Variants in EPB41L3 observed in about 807,000 individuals in gnomAD.
EPB41L3 encodes erythrocyte membrane protein band 4.1 like 3.
Under a neutral mutation model 127.1 loss-of-function variants are expected in EPB41L3, and 57 were observed. The ratio of observed to expected loss-of-function variants is 0.45; its 90% CI spans 0.36 to 0.56. EPB41L3 has a LOEUF of 0.56. Among genes scored for constraint, EPB41L3 ranks in the 20% least tolerant of loss-of-function variants. The pLI, the probability that EPB41L3 is intolerant of heterozygous loss-of-function variation, is 0.00. For missense variants in EPB41L3, 1,273 were observed against 1,372.2 expected, an observed-to-expected ratio of 0.93 and a Z score of 1.14; for synonymous variants, 572 against 549.5, an observed-to-expected ratio of 1.04 and a Z score of -0.57.
chr18:5,395,792 C>G, intron 19 of EPB41L3, 85 bp from the exon 20 acceptor site: 1 of 958,508 alleles, frequency 1.0e-6, no homozygotes, highest in Non-Finnish European at 1.7e-6. Flanking sequence ...GGCATTACGA[C>G]AATTTCACTA....
chr18:5,448,367 GA>G (rs1171919502), intron 3 of EPB41L3, among the ~76,000 whole-genome samples: 1 of 152,038 alleles, frequency 6.6e-6, no homozygotes, highest in Non-Finnish European at 1.5e-5. Flanking sequence ...TAACCCAGAT[GA>G]TTTTTTTTTC....
Position 5,433,934 on chromosome 18 carries a change from C to T in EPB41L3, c.793G>A (p.Asp265Asn). The change falls in exon 7 of 23, where the codon GAC becomes AAC. Residue 265 changes from aspartate to asparagine, a missense_variant. By Grantham distance (23) the Asp-to-Asn change is conservative. Transcript: ENST00000341928. ...FAPNHTKELE[D>N]KVIELHKSHR... ...CTCTTGTGCAGCTCGATCACTTTGT[C>T]TTCCAGTTCTTTAGTGTGGTTTGGT... is the stretch of plus-strand genomic sequence containing the variant. The T allele has an allele frequency of 6.2e-7, 1 of 1,614,220 alleles. No individual in the cohort carries two copies. The highest frequency in any genetic ancestry group is 8.5e-7 in the Non-Finnish European group (1 of 1,180,044).
chr18:5,428,231 A>G (rs771872978), intron 9 of EPB41L3, 82 bp downstream of exon 9: 119 of 1,530,780 alleles, frequency 7.8e-5, no homozygotes, highest in Non-Finnish European at 1.0e-4. Context: ...AATGCTCAGA[A>G]CTCATAAGCA....
chr18:5,398,970 C>G (rs73375709), intron 16 of EPB41L3: 19,816 of 399,056 alleles, frequency 0.05, 1,194 homozygotes, highest in African/African-American at 0.2. Flanking sequence ...CTCTGGTCCT[C>G]TCTTGGATTT....
At chr18:5,445,296 C>T in intron 3 of EPB41L3, 52 bp from the exon 4 acceptor site, 2 of 1,399,186 alleles carry the variant, frequency 1.4e-6, no homozygotes, top group Non-Finnish European at 1.0e-6. Context: ...AGAAAGTTCT[C>T]CCAAATATCA....
intron 5 of EPB41L3, among the ~76,000 whole-genome samples, chr18:5,441,462 ATTTT>A (rs201943060): frequency 0.023 from 3,272 of 139,584 alleles, 40 homozygotes; most frequent in African/African-American, 0.028. Flanking sequence ...TCGAATTCCA[ATTTT>A]TTTTTTTTTT....
Position 5,569,033 on chromosome 18 carries a change from T to A in EPB41L3, c.-306+43307A>T, listed in dbSNP as rs576009801. ...CTTACAAAATTCCTCTTGATTACAA[T>A]CTGTAGGTTTGATTGGACAATGTTT... On this transcript the variant is annotated intron_variant, in intron 3 of 21. Coordinates refer to the EPB41L3 transcript ENST00000545076. Among the ~76,000 whole-genome samples the A allele has an allele frequency of 1.8e-4, 28 of 152,332 alleles. No individual in the cohort carries two copies. In the East Asian group the frequency reaches 5.2e-3, roughly 28 times the overall value.
At chr18:5,593,088 G>T (rs1264475973) in intron 3 of EPB41L3, among the ~76,000 whole-genome samples, 2 of 152,054 alleles carry the variant, frequency 1.3e-5, no homozygotes, top group Non-Finnish European at 2.9e-5. Flanking sequence ...AATCAATGGG[G>T]CCCAGTTGAT....
intron 1 of EPB41L3, among the ~76,000 whole-genome samples, chr18:5,626,256 C>T (rs1308862456): frequency 6.6e-6 from 1 of 152,184 alleles, no homozygotes; most frequent in African/African-American, 2.4e-5. Context: ...AAGACATCAT[C>T]GTGACACCAA....
rs2081133546 is a variant in EPB41L3 at position 5,443,937 on chromosome 18, GT to G, written c.487-58del. On this transcript the variant is annotated intron_variant, in intron 4 of 22. Coordinates refer to ENST00000341928, the MANE Select transcript of EPB41L3 (RefSeq NM_012307.5). ...CAGAGGAGAATAAAAATGACTTAAT[GT>G]TGATTAGGTACAGACTCTCCCTAAA... 4.2e-6 allele frequency: 6 copies of G among 1,441,742 alleles called. No individual in the cohort carries two copies. In the East Asian group the frequency reaches 1.1e-4, roughly 27 times the overall value. The allele number at this position is 1,441,742 out of a possible 1,614,324, so 89.3% of individuals were successfully genotyped here.
At position 5,495,515 on chromosome 18, in the gene EPB41L3, AG is replaced by A. The variant is rs1228203021; in HGVS notation, c.-11-6322del. Among the ~76,000 whole-genome samples the A allele has an allele frequency of 2.0e-5, 3 of 152,212 alleles. No homozygotes were observed. In the East Asian group the frequency reaches 5.8e-4, roughly 29 times the overall value. ...AAGAAGCAAGCCAAGCACCATGCCCAGGGTGTTGAGAACACAGCCCAGAGAG... is the reference window on the plus strand; with the variant it reads ...AAGAAGCAAGCCAAGCACCATGCCCAGGTGTTGAGAACACAGCCCAGAGAG... On this transcript the variant is annotated intron_variant, in intron 1 of 22. Coordinates refer to ENST00000341928, the MANE Select transcript of EPB41L3 (RefSeq NM_012307.5).
chr18:5,504,521 CTA>C (rs1477159340), intron 1 of EPB41L3, among the ~76,000 whole-genome samples: 1 of 152,222 alleles, frequency 6.6e-6, no homozygotes, highest in East Asian at 1.9e-4. Flanking sequence ...CAAATTCAGT[CTA>C]TGATATACTT....
intron 1 of EPB41L3, among the ~76,000 whole-genome samples, chr18:5,519,718 A>T (rs2092908721): frequency 6.6e-6 from 1 of 152,132 alleles, no homozygotes; most frequent in Non-Finnish European, 1.5e-5. Context: ...CCGCTACATA[A>T]TCACTGATCC....
intron 3 of EPB41L3, among the ~76,000 whole-genome samples, chr18:5,556,397 C>T (rs747257317): frequency 3.3e-5 from 5 of 152,182 alleles, no homozygotes; most frequent in Admixed American, 6.5e-5. Context: ...GAGCTGCTGA[C>T]GACACTTTAT....
chr18:5,599,342 C>T (rs1658687532), intron 3 of EPB41L3, among the ~76,000 whole-genome samples: 1 of 152,176 alleles, frequency 6.6e-6, no homozygotes, highest in Admixed American at 6.5e-5. Flanking sequence ...GGACACATTT[C>T]TTAAGGAAAC....
intron 2 of EPB41L3, among the ~76,000 whole-genome samples, chr18:5,486,183 T>C (rs991368147): frequency 4.6e-5 from 7 of 151,828 alleles, no homozygotes; most frequent in African/African-American, 1.7e-4. Flanking sequence ...CAGATATAAA[T>C]CCTCACATAC....
At chr18:5,482,209 T>C (rs1211695614) in intron 2 of EPB41L3, among the ~76,000 whole-genome samples, 1 of 152,100 alleles carries the variant, frequency 6.6e-6, no homozygotes, top group African/African-American at 2.4e-5. Context: ...AACTGAGAAA[T>C]ACATTTGATA....
chr18:5,615,440 C>T (rs1200854560), intron 1 of EPB41L3, among the ~76,000 whole-genome samples: 1 of 151,928 alleles, frequency 6.6e-6, no homozygotes. Flanking sequence ...TGTTTTGATA[C>T]ATGGGGGAGG....
chr18:5,599,481 G>A (rs2094568366), intron 3 of EPB41L3, among the ~76,000 whole-genome samples: 1 of 152,116 alleles, frequency 6.6e-6, no homozygotes, highest in Admixed American at 6.5e-5. Flanking sequence ...CAAATCTCAT[G>A]TCGAATGGTA....
Sources: gnomAD v4.1 joint callset for allele counts (sites outside exome capture counted in the v4.1 genomes callset) on GRCh38, gnomAD v4.1.1 for gene constraint, MANE v1.5 for transcripts, NCBI Gene and HGNC (gene_info 2026-07-23, HGNC 2026-07-21) for gene names.